Variants in VPS52 observed in about 807,000 individuals in gnomAD.
The protein encoded by VPS52 is VPS52 subunit of GARP complex, also known as vacuolar protein sorting-associated protein 52 homolog.
VPS52 carries 56 observed loss-of-function variants against 98.7 expected under a neutral mutation model. The observed-to-expected ratio is 0.57, with a 90% CI of 0.46 to 0.71. VPS52 has a LOEUF of 0.71. Among genes scored for constraint, VPS52 ranks in the 30% least tolerant of loss-of-function variants. VPS52 has a pLI of 0.00. For missense variants in VPS52, 742 were observed against 925.9 expected, an observed-to-expected ratio of 0.80 and a Z score of 2.58; for synonymous variants, 348 against 346.4, an observed-to-expected ratio of 1.00 and a Z score of -0.05.
At chr6:33,258,824 TC>T (rs1027501222) in intron 17 of VPS52, among the ~76,000 whole-genome samples, 8 of 151,894 alleles carry the variant, frequency 5.3e-5, no homozygotes, top group African/African-American at 1.9e-4. Flanking sequence ...CGCCTCAGCC[TC>T]CCAAAGTGCT....
In VPS52 at chr6:33,271,834, C is replaced by T. The variant is rs1328996801; in HGVS notation, c.-159G>A. 1 of 1,400,776 alleles carries T rather than the reference C, an allele frequency of 7.1e-7. No individual in the cohort carries two copies. Among genetic ancestry groups the T allele is most frequent in the Non-Finnish European group, 9.4e-7 (1 of 1,062,714 alleles). 86.8% of individuals were successfully genotyped at this position (1,400,776 alleles called of 1,614,324 possible). A position where few individuals can be genotyped will look rare whatever the true frequency, so the allele number is the denominator to read the frequency against. ...TGTCCCCTTTCAGCTCTAACCACTT[C>T]ACCCAACTGCAAATGGAAATATGGA... On this transcript the variant is annotated 5_prime_UTR_variant, in exon 1 of 20. Transcript: ENST00000445902.
intron 1 of VPS52, chr6:33,271,053 T>A: frequency 9.0e-6 from 2 of 222,846 alleles, no homozygotes; most frequent in Non-Finnish European, 1.8e-5. Context: ...TTTAAGACCC[T>A]CAGACTCCTG....
chr6:33,251,169 C>T (rs558625755), intron 19 of VPS52, among the ~76,000 whole-genome samples, 182 bp from the exon 20 acceptor site: 58 of 152,172 alleles, frequency 3.8e-4, no homozygotes, highest in Admixed American at 9.2e-4. Context: ...CAGTGAAACC[C>T]CATCTCTACT....
Position 33,268,124 on chromosome 6 carries a change from C to G in VPS52, c.784G>C (p.Ala262Pro). The change falls in exon 8 of 20, where the codon GCC (alanine) becomes CCC (proline). Residue 262 changes from alanine (A) to proline (P), a missense_variant. Ala to Pro is a conservative substitution (Grantham distance 27, BLOSUM62 -1). Transcript: ENST00000445902. This position sits in a 1 kb window ranked among gnomAD's most constrained non-coding sequence, Gnocchi z 4.0. ...PMTNYQIPQT[A>P]LLKYRFFYQF... ...GGTTGTGACCTGTACTTCAGCAGGG[C>G]CGTCTGGGGGATCTGATAGTTGGTC... The G allele has an allele frequency of 2.5e-6, 4 of 1,613,028 alleles. No homozygotes were observed. Among genetic ancestry groups the G allele is most frequent in the Non-Finnish European group, 3.4e-6 (4 of 1,180,032 alleles).
intron 4 of VPS52, 36 bp from the exon 5 acceptor site, chr6:33,269,593 G>C (rs1764748847): frequency 6.3e-7 from 1 of 1,597,740 alleles, no homozygotes; most frequent in South Asian, 1.1e-5. Context: ...TCATGGTGAA[G>C]ATGGGAGATC....
In VPS52 at chr6:33,259,628, G is replaced by A. The variant is rs1037123464; in HGVS notation, c.1794+3856C>T. On this transcript the variant is annotated intron_variant, in intron 17 of 19. Coordinates refer to ENST00000445902, the MANE Select transcript of VPS52 (RefSeq NM_022553.6). Reference sequence around the variant, plus strand: ...TATCAACATGATGCTCAAAGGTAATGCTCTTTGGAGCATTTCAGATTTCAG... The same window carrying A: ...TATCAACATGATGCTCAAAGGTAATACTCTTTGGAGCATTTCAGATTTCAG... 2.6e-5 allele frequency among the ~76,000 whole-genome samples: 4 copies of A among 152,002 alleles called. No individual in the cohort carries two copies. In the South Asian group the frequency reaches 8.3e-4, roughly 31 times the overall value.
rs1368149149 is a variant in VPS52 at position 33,264,122 on chromosome 6, G to T, written c.1525-19C>A. 3.1e-6 allele frequency: 5 copies of T among 1,612,500 alleles called. No individual in the cohort carries two copies. The highest frequency in any genetic ancestry group is 4.2e-6 in the Non-Finnish European group (5 of 1,179,316). ...GTGTGATCTAGGAGAGAGTGGGAAG[G>T]AAAATCACACCCACCTCCTGGCCCA... On this transcript the variant is annotated intron_variant, in intron 14 of 19. Coordinates refer to ENST00000445902, the MANE Select transcript of VPS52 (RefSeq NM_022553.6).
chr6:33,252,117 C>T (rs529701484), intron 17 of VPS52, 146 bp from the exon 18 acceptor site: 15 of 661,974 alleles, frequency 2.3e-5, no homozygotes, highest in South Asian at 2.1e-4. Context: ...AGAAAAATAT[C>T]CTCAATCCTA....
At position 33,264,037 on chromosome 6, in the gene VPS52, G is replaced by A. The variant is rs1252573623; in HGVS notation, c.1591C>T (p.Arg531Trp). 38 of 1,614,090 alleles carry A rather than the reference G, an allele frequency of 2.4e-5. No individual in the cohort carries two copies. Among genetic ancestry groups the A allele is most frequent in the Non-Finnish European group, 2.8e-5 (33 of 1,180,046 alleles). The change falls in exon 15 of 20, where the codon CGG becomes TGG. Residue 531 changes from arginine to tryptophan, a missense_variant. Physicochemically the swap from Arg to Trp is moderately radical, Grantham distance 101. This residue lies in a region of VPS52 where 590 missense variants were observed against 793.3 expected (regional missense o/e 0.74). Coordinates refer to ENST00000445902, the MANE Select transcript of VPS52 (RefSeq NM_022553.6). ...VSINQTIPNE[R>W]TMQLLGQLQV... is the part of the protein sequence containing the mutation. ...AGCTGTCCCAGCAATTGCATGGTCC[G>A]TTCATTAGGAATTGTCTGGTTGATA...
chr6:33,256,840 TA>T (rs534430706), intron 17 of VPS52, among the ~76,000 whole-genome samples: 129 of 91,674 alleles, frequency 1.4e-3, no homozygotes, highest in Non-Finnish European at 1.8e-3. Flanking sequence ...AGACTCTGTC[TA>T]AAAAAAAAAA....
chr6:33,254,178 A>C (rs213217), intron 17 of VPS52, among the ~76,000 whole-genome samples: 3 of 151,810 alleles, frequency 2.0e-5, no homozygotes, highest in African/African-American at 7.3e-5. Context: ...GGGAGACTGA[A>C]GCAGAAGAAT....
At chr6:33,271,293 GA>G in intron 1 of VPS52, 3 of 631,480 alleles carry the variant, frequency 4.8e-6, no homozygotes. Flanking sequence ...GGCAGAGATA[GA>G]ACTCAGGCAG....
At chr6:33,263,077 A>C (rs1763816884) in intron 17 of VPS52, among the ~76,000 whole-genome samples, 1 of 151,972 alleles carries the variant, frequency 6.6e-6, no homozygotes, top group African/African-American at 2.4e-5. Flanking sequence ...GAGAGGATAG[A>C]TAAAGAAAAA....
chr6:33,271,362 C>G, intron 1 of VPS52: 1 of 722,118 alleles, frequency 1.4e-6, no homozygotes, highest in Non-Finnish European at 2.5e-6. Flanking sequence ...TGACTCTACC[C>G]CAAAATGTGG....
intron 19 of VPS52, 35 bp from the exon 20 acceptor site, chr6:33,251,022 A>G (rs1403620151): frequency 1.2e-6 from 2 of 1,612,696 alleles, no homozygotes; most frequent in Non-Finnish European, 1.7e-6. Context: ...ATCAAACCGT[A>G]AAATGGTGCT....
intron 12 of VPS52, among the ~76,000 whole-genome samples, chr6:33,266,272 G>A (rs1764299950): frequency 6.7e-6 from 1 of 148,860 alleles, no homozygotes; most frequent in Non-Finnish European, 1.5e-5. Context: ...TTTAGTAGCT[G>A]TGACCACAGG....
intron 12 of VPS52, among the ~76,000 whole-genome samples, chr6:33,266,101 C>T (rs897654272): frequency 6.6e-6 from 1 of 151,366 alleles, no homozygotes; most frequent in African/African-American, 2.4e-5. Context: ...ACCTTGTGAT[C>T]CTCCCGCCTC....
rs1764551069 is a variant in VPS52 at position 33,268,055 on chromosome 6, T to C, written c.800+53A>G. 1.2e-6 allele frequency: 2 copies of C among 1,612,864 alleles called. No individual in the cohort carries two copies. The highest frequency in any genetic ancestry group is 2.7e-5 in the African/African-American group (2 of 74,914). On this transcript the variant is annotated intron_variant, in intron 8 of 19. Transcript: ENST00000445902. This position sits in a 1 kb window ranked among gnomAD's most constrained non-coding sequence, Gnocchi z 4.0. ...CTCCCAAGAAACCAGATGCCCACACTAGGCCGCTCAAAAACTCAAAGGCCA... is the reference window on the plus strand; with the variant it reads ...CTCCCAAGAAACCAGATGCCCACACCAGGCCGCTCAAAAACTCAAAGGCCA...
At position 33,269,297 on chromosome 6, in the gene VPS52, G is replaced by A. The variant is rs146063169; in HGVS notation, c.373-108C>T. ...CAGTATTTATCAGTCCTTGAGGGTG[G>A]CAGATGATGAGACACCCCAGATTAT... On this transcript the variant is annotated intron_variant, in intron 5 of 19. Coordinates refer to ENST00000445902, the MANE Select transcript of VPS52 (RefSeq NM_022553.6). 3.0e-5 allele frequency: 45 copies of A among 1,490,272 alleles called. No homozygotes were observed. The African/African-American group carries it at 5.2e-4, about 17-fold the overall frequency. 92.3% of individuals were successfully genotyped at this position (1,490,272 alleles called of 1,614,324 possible).
Sources: allele counts gnomAD v4.1 joint callset (sites outside exome capture counted in the v4.1 genomes callset), GRCh38; gene constraint gnomAD v4.1.1; regional missense constraint gnomAD v4.1.1; non-coding constraint Gnocchi (gnomAD v3.1); transcripts MANE v1.5; gene names NCBI Gene and HGNC (gene_info 2026-07-23, HGNC 2026-07-21).